The following KDM5B variants were observed in gnomAD, a reference collection of about 807,000 sequenced individuals.
KDM5B encodes lysine demethylase 5B.
Under a neutral mutation model 193.4 loss-of-function variants are expected in KDM5B, and 144 were observed. That is an observed-to-expected ratio of 0.74 (90% CI 0.65 to 0.86). The LOEUF is 0.86. Among genes scored for constraint, KDM5B ranks in the 40% least tolerant of loss-of-function variants. The pLI, the probability that KDM5B is intolerant of heterozygous loss-of-function variation, is 0.00. For synonymous variants in KDM5B, 668 were observed against 682.6 expected, an observed-to-expected ratio of 0.98 and a Z score of 0.33; for missense variants, 1,833 against 1,886.9, an observed-to-expected ratio of 0.97 and a Z score of 0.53.
At chr1:202,780,893 A>G (rs1027741806) in intron 1 of KDM5B, among the ~76,000 whole-genome samples, 3 of 152,318 alleles carry the variant, frequency 2.0e-5, no homozygotes, top group Admixed American at 1.3e-4. Context: ...CGCCAACCTA[A>G]TAACATTGTG....
At chr1:202,788,576 T>A (rs1399987984) in intron 1 of KDM5B, among the ~76,000 whole-genome samples, 2 of 152,160 alleles carry the variant, frequency 1.3e-5, no homozygotes, top group African/African-American at 2.4e-5. Context: ...GTATTGGTAT[T>A]GGTATTGGTA....
intron 1 of KDM5B, among the ~76,000 whole-genome samples, chr1:202,805,846 A>G (rs2102356100): frequency 6.6e-6 from 1 of 152,354 alleles, no homozygotes; most frequent in East Asian, 1.9e-4. Flanking sequence ...TCAACAACAA[A>G]TACTCTCAAA....
In KDM5B at chr1:202,750,728, T is replaced by C; in HGVS notation, c.1752A>G (p.Arg584=). 1 of 1,613,894 alleles carries C rather than the reference T, an allele frequency of 6.2e-7. No homozygotes were observed. Among genetic ancestry groups the C allele is most frequent in the Non-Finnish European group, 8.5e-7 (1 of 1,179,808 alleles). ...CCTGGTTAAAACCACTGTGGTAGGCTCTTGGAAATGTAATCACAAACTCCC... is the reference window on the plus strand; with the variant it reads ...CCTGGTTAAAACCACTGTGGTAGGCCCTTGGAAATGTAATCACAAACTCCC... ...CAGEFVITFP[R]AYHSGFNQGF... Residue 584 remains arginine, a synonymous_variant, in exon 13 of 27, where the codon AGA becomes AGG. Coordinates refer to ENST00000367265, the MANE Select transcript of KDM5B (RefSeq NM_006618.5).
At chr1:202,729,549 G>T in intron 26 of KDM5B, 158 bp downstream of exon 26, 1 of 643,140 alleles carries the variant, frequency 1.6e-6, no homozygotes, top group Non-Finnish European at 2.6e-6. Context: ...AGGAACGATG[G>T]TAAGAGCACA....
chr1:202,744,476 T>C (rs1655471402), intron 16 of KDM5B, among the ~76,000 whole-genome samples: 1 of 152,140 alleles, frequency 6.6e-6, no homozygotes. Flanking sequence ...GAGAATTGCT[T>C]GAACCCAGGA....
At chr1:202,753,155 G>A in intron 11 of KDM5B, 88 bp from the exon 12 acceptor site, 1 of 1,106,018 alleles carries the variant, frequency 9.0e-7, no homozygotes, top group Non-Finnish European at 1.3e-6. Flanking sequence ...ACTCGGCTTT[G>A]TAAGACTACG....
At chr1:202,735,298 A>T in intron 22 of KDM5B, 131 bp downstream of exon 22, 1 of 972,166 alleles carries the variant, frequency 1.0e-6, no homozygotes, top group Non-Finnish European at 1.5e-6. Flanking sequence ...CAATTTTCAA[A>T]AAGTCTTTTT....
intron 1 of KDM5B, among the ~76,000 whole-genome samples, chr1:202,783,713 T>TAA (rs1024400502): frequency 4.7e-5 from 7 of 148,910 alleles, no homozygotes; most frequent in Non-Finnish European, 1.0e-4. Context: ...CCATCTCTAC[T>TAA]AAAAAAAAAT....
At chr1:202,781,525 C>T (rs1657197853) in intron 1 of KDM5B, among the ~76,000 whole-genome samples, 1 of 152,094 alleles carries the variant, frequency 6.6e-6, no homozygotes, top group South Asian at 2.1e-4. Context: ...TACCTCCATC[C>T]CAAGTGAAAA....
chr1:202,747,416 T>G (rs1004854871), intron 14 of KDM5B, among the ~76,000 whole-genome samples: 1 of 152,176 alleles, frequency 6.6e-6, no homozygotes, highest in Non-Finnish European at 1.5e-5. Flanking sequence ...CCATTTTTGA[T>G]GTAAGACTTT....
At chr1:202,759,556 A>C (rs963571366) in intron 8 of KDM5B, among the ~76,000 whole-genome samples, 8 of 151,944 alleles carry the variant, frequency 5.3e-5, no homozygotes, top group Non-Finnish European at 8.8e-5. Flanking sequence ...GTCTCAAAAA[A>C]AAAAAAAAAA....
chr1:202,755,926 C>A (rs1454884722), intron 10 of KDM5B, among the ~76,000 whole-genome samples: 1 of 148,746 alleles, frequency 6.7e-6, no homozygotes, highest in Non-Finnish European at 1.5e-5. Flanking sequence ...AGTCTGTATA[C>A]ATATAACTAT....
At chr1:202,729,639 T>C in intron 26 of KDM5B, 68 bp downstream of exon 26, 1 of 1,349,720 alleles carries the variant, frequency 7.4e-7, no homozygotes, top group South Asian at 1.4e-5. Context: ...CCCAGCGAGA[T>C]GAGGTCTAGC....
At position 202,729,842 on chromosome 1, in the gene KDM5B, C is replaced by A. The variant is rs374839807; in HGVS notation, c.4362G>T (p.Glu1454Asp). The A allele has an allele frequency of 6.2e-7, 1 of 1,614,002 alleles. No homozygotes were observed. The highest frequency in any genetic ancestry group is 1.3e-5 in the African/African-American group (1 of 74,904). Residue 1454 changes from glutamate to aspartate, a missense_variant, in exon 26 of 27, where the codon GAG becomes GAT. Coordinates refer to ENST00000367265, the MANE Select transcript of KDM5B (RefSeq NM_006618.5). ...CAGAACGAACTAATTCATAGCTACG[C>A]TCTCTCTCTAACTTGAAATTGTTCA... ...KDMNNFKLER[E>D]RSYELVRSAE...
At position 202,758,381 on chromosome 1, in the gene KDM5B, A is replaced by G. The variant is rs926836080; in HGVS notation, c.1197+10T>C. The G allele has an allele frequency of 2.5e-6, 4 of 1,603,588 alleles. No homozygotes were observed. In the African/African-American group the frequency reaches 4.0e-5, roughly 16 times the overall value. ...AAAATCCTAAATCAAAGCAGTATAT[A>G]TGTACATACATGGACTGGCATGTTG... On this transcript the variant is annotated intron_variant, in intron 9 of 26. Coordinates refer to ENST00000367265, the MANE Select transcript of KDM5B (RefSeq NM_006618.5).
At chr1:202,757,882 A>G (rs1187030728) in intron 9 of KDM5B, among the ~76,000 whole-genome samples, 1 of 152,232 alleles carries the variant, frequency 6.6e-6, no homozygotes, top group African/African-American at 2.4e-5. Flanking sequence ...CCAGAATTAA[A>G]GCATTACATT....
intron 4 of KDM5B, among the ~76,000 whole-genome samples, chr1:202,769,132 G>A (rs1324016640): frequency 4.0e-5 from 6 of 149,478 alleles, no homozygotes; most frequent in African/African-American, 1.5e-4. Context: ...CACCTCCTGG[G>A]TTCACGCCAT....
At chr1:202,766,266 G>A (rs1030078352) in intron 5 of KDM5B, 4 of 233,346 alleles carry the variant, frequency 1.7e-5, no homozygotes, top group Non-Finnish European at 3.4e-5. Flanking sequence ...AGCACTTTGG[G>A]AGGCCAAGAT....
chr1:202,773,288 A>G lies in KDM5B; in HGVS notation c.406T>C (p.Leu136=). The change falls in exon 4 of 27, where the codon TTA becomes CTA. Residue 136 remains leucine (L), a splice_region_variant and synonymous_variant. Coordinates refer to ENST00000367265, the MANE Select transcript of KDM5B (RefSeq NM_006618.5). ...GCAAATCCACCTTCTTCTGCAACTA[A>G]CTGTTAAAATAGCAAAATTAGAAAC... ...KILDLFQLNK[L]VAEEGGFAVV... 6.2e-7 allele frequency: 1 copy of G among 1,613,750 alleles called. No individual in the cohort carries two copies. Among genetic ancestry groups the G allele is most frequent in the Non-Finnish European group, 8.5e-7 (1 of 1,179,866 alleles).
Sources: gnomAD v4.1 joint callset for allele counts (sites outside exome capture counted in the v4.1 genomes callset) on GRCh38, gnomAD v4.1.1 for gene constraint, MANE v1.5 for transcripts, NCBI Gene and HGNC (gene_info 2026-07-23, HGNC 2026-07-21) for gene names.